Variants in PIK3C2A observed in about 807,000 individuals in gnomAD.
PIK3C2A encodes phosphatidylinositol-4-phosphate 3-kinase catalytic subunit type 2 alpha.
Under a neutral mutation model 204.5 loss-of-function variants are expected in PIK3C2A, and 97 were observed. That is an observed-to-expected ratio of 0.47 (90% CI 0.40 to 0.56). The LOEUF is 0.56. Among genes scored for constraint, PIK3C2A ranks in the 20% least tolerant of loss-of-function variants. The probability of loss-of-function intolerance (pLI) is 0.00; values close to 1 mark genes in which losing one functional copy is unlikely to be tolerated. For missense variants in PIK3C2A, 1,735 were observed against 1,969.2 expected (o/e 0.88, Z 2.25); for synonymous variants, 653 against 664.4 (o/e 0.98, Z 0.26).
chr11:17,135,445 G>A (rs546285769), intron 9 of PIK3C2A, among the ~76,000 whole-genome samples: 1 of 152,212 alleles, frequency 6.6e-6, no homozygotes, highest in Non-Finnish European at 1.5e-5. Flanking sequence ...GACAAGTACA[G>A]TATTTTTCCA....
chr11:17,120,491 CAT>C (rs1388874782), intron 15 of PIK3C2A, among the ~76,000 whole-genome samples: 1 of 151,454 alleles, frequency 6.6e-6, no homozygotes, highest in Non-Finnish European at 1.5e-5. Context: ...ACTATCCATC[CAT>C]ATATATATAA....
chr11:17,145,401 G>A (rs191708649), intron 8 of PIK3C2A, among the ~76,000 whole-genome samples: 11 of 152,228 alleles, frequency 7.2e-5, no homozygotes, highest in East Asian at 1.9e-4. Flanking sequence ...GAGATCTGAC[G>A]ATTTTATAAT....
chr11:17,190,042 A>G (rs1851888585), intron 1 of PIK3C2A, among the ~76,000 whole-genome samples: 1 of 151,898 alleles, frequency 6.6e-6, no homozygotes, highest in Non-Finnish European at 1.5e-5. Context: ...AGGTGGGTGG[A>G]TCACTTGAGG....
chr11:17,146,640 G>C (rs7935219), intron 6 of PIK3C2A, among the ~76,000 whole-genome samples: 63,455 of 151,476 alleles, frequency 0.42, 13,655 homozygotes, highest in Non-Finnish European at 0.47. Context: ...AGAATCGCTT[G>C]AGGGTGGGTG....
In PIK3C2A at chr11:17,099,899, G is replaced by A. The variant is rs1446416634; in HGVS notation, c.4079C>T (p.Pro1360Leu). 1 of 1,587,662 alleles carries A rather than the reference G, an allele frequency of 6.3e-7. No homozygotes were observed. Among genetic ancestry groups the A allele is most frequent in the South Asian group, 1.1e-5 (1 of 90,388 alleles). ...DLKYVRDALQPQTTDAEATIF... is the reference protein window; with the variant it reads ...DLKYVRDALQLQTTDAEATIF... ...TGTAGCTTCTGCGTCTGTAGTTTGG[G>A]GTTGAAGTGCATCTCTAACGTATTT... The change falls in exon 26 of 33, where the codon CCC becomes CTC. Residue 1360 changes from proline (P) to leucine (L), a missense_variant. This residue lies in a region of PIK3C2A where 503 missense variants were observed against 669.0 expected (regional missense o/e 0.75). Coordinates refer to ENST00000691414, the MANE Select transcript of PIK3C2A (RefSeq NM_002645.4).
intron 26 of PIK3C2A, among the ~76,000 whole-genome samples, chr11:17,097,628 C>T (rs1565237521): frequency 1.3e-5 from 2 of 152,048 alleles, no homozygotes. Context: ...GAAAGTAATC[C>T]AAGGGCTGGG....
intron 1 of PIK3C2A, among the ~76,000 whole-genome samples, chr11:17,205,869 C>T (rs1456188638): frequency 1.3e-5 from 2 of 152,142 alleles, no homozygotes; most frequent in African/African-American, 4.8e-5. Flanking sequence ...GTCTTTAATC[C>T]CAGCACTTTG....
intron 13 of PIK3C2A, among the ~76,000 whole-genome samples, chr11:17,123,618 G>A (rs971989010): frequency 1.4e-4 from 21 of 151,970 alleles, no homozygotes; most frequent in Admixed American, 5.2e-4. Flanking sequence ...TTTCTATAAA[G>A]AGCCAGAGAG....
At chr11:17,147,702 G>T (rs939373250) in intron 5 of PIK3C2A, 74 bp from the exon 6 acceptor site, 1 of 728,500 alleles carries the variant, frequency 1.4e-6, no homozygotes, top group Non-Finnish European at 2.3e-6. Context: ...AATTTAAATT[G>T]CACCTGCATC....
At chr11:17,107,646 A>AT (rs1215374349) in intron 22 of PIK3C2A, among the ~76,000 whole-genome samples, 3 of 152,234 alleles carry the variant, frequency 2.0e-5, no homozygotes, top group Non-Finnish European at 2.9e-5. Flanking sequence ...CTATGTGCAA[A>AT]TATTATTTAT....
chr11:17,124,842 T>C lies in PIK3C2A; in HGVS notation c.2400-2029A>G, dbSNP rs565439149. Among the ~76,000 whole-genome samples, 17 of 152,334 alleles carry C rather than the reference T, an allele frequency of 1.1e-4. No individual in the cohort carries two copies. In the East Asian group the frequency reaches 1.4e-3, roughly 12 times the overall value. ...GTTGATGATACCAGGCCTTTTGTTC[T>C]GTAGAATTTTCCATATCCTGAATTT... On this transcript the variant is annotated intron_variant, in intron 13 of 32. Coordinates refer to ENST00000691414, the MANE Select transcript of PIK3C2A (RefSeq NM_002645.4).
chr11:17,181,576 G>A (rs2137526182), intron 1 of PIK3C2A, among the ~76,000 whole-genome samples: 1 of 142,386 alleles, frequency 7.0e-6, no homozygotes, highest in East Asian at 2.1e-4. Context: ...ACACCAACCT[G>A]GGCAACATGG....
Position 17,101,344 on chromosome 11 carries a change from G to A in PIK3C2A, c.3942C>T (p.Asp1314=). 2 of 1,596,188 alleles carry A rather than the reference G, an allele frequency of 1.3e-6. No individual in the cohort carries two copies. Among genetic ancestry groups the A allele is most frequent in the South Asian group, 2.2e-5 (2 of 89,264 alleles). The change falls in exon 25 of 33, where the codon GAC becomes GAT. Residue 1314 remains aspartate, a synonymous_variant. Transcript: ENST00000691414. ...KPTIRFQLFV[D]LCCQAYNLIR... is the part of the protein sequence containing the mutation. ...TCAAGTTGTAGGCCTGACAGCAGAGGTCCACAAACAACTGAAAACGAATGG... is the reference window on the plus strand; with the variant it reads ...TCAAGTTGTAGGCCTGACAGCAGAGATCCACAAACAACTGAAAACGAATGG...
chr11:17,111,882 C>CAAAAAAAAA (rs201931743), intron 21 of PIK3C2A, among the ~76,000 whole-genome samples: 1 of 31,424 alleles, frequency 3.2e-5, no homozygotes, highest in Non-Finnish European at 6.5e-5. Context: ...GTCTCCAAAA[C>CAAAAAAAAA]AAAAAAAAAA....
intron 2 of PIK3C2A, among the ~76,000 whole-genome samples, chr11:17,156,233 T>C (rs1443240660): frequency 6.6e-6 from 1 of 152,188 alleles, no homozygotes. Flanking sequence ...GTTTTGACAC[T>C]ACATAAAAAT....
At position 17,169,660 on chromosome 11, in the gene PIK3C2A, T is replaced by C. The variant is rs142132566; in HGVS notation, c.82A>G (p.Lys28Glu). 1,002 of 1,613,006 alleles carry C rather than the reference T, an allele frequency of 6.2e-4. 11 individuals are homozygous for C. The highest frequency in any genetic ancestry group is 1.0e-4 in the Non-Finnish European group (119 of 1,180,014). ...GCTTCCATCTGTAATGCTTCTTCTT[T>C]GTCCACATCTTTTGCTCTTGTTGGT... ...PEPTRAKDVD[K>E]EEALQMEAEA... is the part of the protein sequence containing the mutation. Residue 28 changes from lysine (K) to glutamate (E), a missense_variant, in exon 2 of 33, where the codon AAA (lysine) becomes GAA (glutamate). By Grantham distance (56) the Lys-to-Glu change is moderately conservative (BLOSUM62 1). This residue lies in a region of PIK3C2A where 536 missense variants were observed against 546.7 expected (regional missense o/e 0.98). Coordinates refer to ENST00000691414, the MANE Select transcript of PIK3C2A (RefSeq NM_002645.4).
chr11:17,202,588 A>C (rs940477383), intron 1 of PIK3C2A, among the ~76,000 whole-genome samples: 1 of 152,008 alleles, frequency 6.6e-6, no homozygotes, highest in African/African-American at 2.4e-5. Flanking sequence ...AAAAAAAAGA[A>C]CAGAACACTG....
At chr11:17,111,629 C>T (rs1433903178) in intron 21 of PIK3C2A, among the ~76,000 whole-genome samples, 1 of 152,040 alleles carries the variant, frequency 6.6e-6, no homozygotes, top group Non-Finnish European at 1.5e-5. Context: ...GTAATCCCAG[C>T]ACTTTGGGAG....
intron 1 of PIK3C2A, among the ~76,000 whole-genome samples, chr11:17,189,457 A>G (rs1851866660): frequency 6.8e-6 from 1 of 146,164 alleles, no homozygotes; most frequent in Admixed American, 6.6e-5. Flanking sequence ...TCTACTAAAA[A>G]TACAAAAATT....
Sources: gnomAD v4.1 joint callset for allele counts (sites outside exome capture counted in the v4.1 genomes callset) on GRCh38, gnomAD v4.1.1 for gene constraint, gnomAD v4.1.1 regional missense constraint, MANE v1.5 for transcripts, NCBI Gene and HGNC (gene_info 2026-07-23, HGNC 2026-07-21) for gene names.